The following MGAT4C variants were observed in gnomAD, a reference collection of about 807,000 sequenced individuals.
MGAT4C encodes MGAT4 family member C.
MGAT4C carries 19 observed loss-of-function variants against 40.1 expected under a neutral mutation model. The observed-to-expected ratio is 0.47, with a 90% CI of 0.33 to 0.70. The LOEUF (loss-of-function observed/expected upper bound fraction) is 0.70, where lower values mean the gene tolerates loss of function less well. Ranked by LOEUF, MGAT4C falls within the 30% of genes least tolerant of loss-of-function variation. The pLI, the probability that MGAT4C is intolerant of heterozygous loss-of-function variation, is 0.02. For missense variants in MGAT4C, 491 were observed against 563.2 expected (o/e 0.87, Z 1.30); for synonymous variants, 181 against 187.1 (o/e 0.97, Z 0.27).
At chr12:86,234,786 C>G (rs1054380084) in intron 1 of MGAT4C, among the ~76,000 whole-genome samples, 7 of 152,132 alleles carry the variant, frequency 4.6e-5, no homozygotes, top group Non-Finnish European at 4.4e-5. Context: ...ACTGCAACTG[C>G]TATTCCCAAG....
chr12:86,630,006 C>A (rs1205403369), intron 2 of MGAT4C, among the ~76,000 whole-genome samples: 1 of 151,616 alleles, frequency 6.6e-6, no homozygotes, highest in Non-Finnish European at 1.5e-5. Context: ...AGACCACTAG[C>A]AAAACTAATA....
At chr12:86,240,715 A>G (rs1345047473) in intron 1 of MGAT4C, among the ~76,000 whole-genome samples, 4 of 152,096 alleles carry the variant, frequency 2.6e-5, no homozygotes, top group Non-Finnish European at 5.9e-5. Context: ...TTTTACTCCT[A>G]AATATTTGTA....
At chr12:86,332,931 G>A (rs936955421) in intron 4 of MGAT4C, among the ~76,000 whole-genome samples, 2 of 152,088 alleles carry the variant, frequency 1.3e-5, no homozygotes, top group Non-Finnish European at 2.9e-5. Context: ...CTGTTGAAAT[G>A]TTTCAAGGGA....
intron 3 of MGAT4C, among the ~76,000 whole-genome samples, chr12:86,432,642 TTAAA>T (rs1157704953): frequency 2.0e-5 from 3 of 152,042 alleles, no homozygotes; most frequent in South Asian, 4.2e-4. Context: ...GGGGAACCCA[TTAAA>T]TAATCTGTAT....
intron 3 of MGAT4C, among the ~76,000 whole-genome samples, chr12:86,403,017 C>T (rs1444469117): frequency 6.6e-6 from 1 of 152,152 alleles, no homozygotes; most frequent in East Asian, 1.9e-4. Flanking sequence ...AAAGCTGAAG[C>T]TCTGACATGT....
At chr12:86,134,201 CA>C (rs1353549208) in intron 1 of MGAT4C, among the ~76,000 whole-genome samples, 1 of 152,042 alleles carries the variant, frequency 6.6e-6, no homozygotes, top group Admixed American at 6.6e-5. Flanking sequence ...AAATAATTCA[CA>C]AACAGGATCC....
intron 2 of MGAT4C, among the ~76,000 whole-genome samples, chr12:86,680,998 A>G (rs1949971828): frequency 6.6e-6 from 1 of 151,956 alleles, no homozygotes; most frequent in Non-Finnish European, 1.5e-5. Context: ...TCTGTTTCCA[A>G]GATGATGGTA....
At chr12:86,813,441 T>C (rs1952515447) in intron 1 of MGAT4C, among the ~76,000 whole-genome samples, 1 of 143,448 alleles carries the variant, frequency 7.0e-6, no homozygotes, top group South Asian at 2.1e-4. Flanking sequence ...TGAAATTTTC[T>C]CATAGTCTAG....
At chr12:86,358,998 C>A (rs1246759005) in intron 3 of MGAT4C, among the ~76,000 whole-genome samples, 1 of 152,198 alleles carries the variant, frequency 6.6e-6, no homozygotes, top group Non-Finnish European at 1.5e-5. Context: ...CTACAGAACT[C>A]TCCACCCCAA....
At chr12:86,053,322 G>C (rs984736093) in intron 1 of MGAT4C, among the ~76,000 whole-genome samples, 1 of 151,652 alleles carries the variant, frequency 6.6e-6, no homozygotes, top group African/African-American at 2.4e-5. Flanking sequence ...AACTTAAAAG[G>C]CAGGATGTTC....
intron 2 of MGAT4C, among the ~76,000 whole-genome samples, chr12:86,629,349 CAGA>C (rs1962943289): frequency 6.6e-6 from 1 of 152,088 alleles, no homozygotes; most frequent in Non-Finnish European, 1.5e-5. Flanking sequence ...ATCAATGAGA[CAGA>C]AGGTTAACAA....
At chr12:86,528,296 C>A (rs142298618) in intron 2 of MGAT4C, among the ~76,000 whole-genome samples, 12 of 152,024 alleles carry the variant, frequency 7.9e-5, no homozygotes, top group African/African-American at 2.9e-4. Flanking sequence ...ACAAAATAAC[C>A]ATTAATTTAA....
At chr12:86,739,500 T>A (rs1951033496) in intron 1 of MGAT4C, among the ~76,000 whole-genome samples, 1 of 150,858 alleles carries the variant, frequency 6.6e-6, no homozygotes, top group African/African-American at 2.4e-5. Context: ...CAATCGTAGG[T>A]TCAGCAACTG....
intron 2 of MGAT4C, among the ~76,000 whole-genome samples, chr12:86,042,729 G>T (rs928006535): frequency 5.9e-5 from 9 of 151,736 alleles, no homozygotes; most frequent in Non-Finnish European, 1.5e-5. Context: ...TTAGCTGGGC[G>T]TGGTGGCAGG....
At chr12:86,368,008 T>A (rs10858419) in intron 3 of MGAT4C, among the ~76,000 whole-genome samples, 99,515 of 152,044 alleles carry the variant, frequency 0.65, 33,317 homozygotes, top group South Asian at 0.77. Flanking sequence ...AGTATCTTTT[T>A]AAATGATAAT....
At chr12:86,482,055 T>C (rs915100499) in intron 2 of MGAT4C, among the ~76,000 whole-genome samples, 1 of 140,156 alleles carries the variant, frequency 7.1e-6, no homozygotes, top group South Asian at 2.3e-4. Context: ...TTGTATTTTC[T>C]AAACATGTCA....
chr12:86,116,722 T>C (rs839147), intron 1 of MGAT4C, among the ~76,000 whole-genome samples: 1 of 152,080 alleles, frequency 6.6e-6, no homozygotes, highest in Middle Eastern at 3.4e-3. Flanking sequence ...GGATGGGATG[T>C]AATCCAATTG....
chr12:86,610,642 T>C (rs1962219674), intron 2 of MGAT4C, among the ~76,000 whole-genome samples: 1 of 151,668 alleles, frequency 6.6e-6, no homozygotes, highest in Admixed American at 6.6e-5. Context: ...AACGTGCAGG[T>C]TTGTTACATA....
At chr12:86,462,710 G>A (rs900928507) in intron 2 of MGAT4C, among the ~76,000 whole-genome samples, 1 of 152,160 alleles carries the variant, frequency 6.6e-6, no homozygotes, top group Non-Finnish European at 1.5e-5. Context: ...ACTAGTGTAA[G>A]TCCAAGAATC....
Sources: gnomAD v4.1 joint callset for allele counts (sites outside exome capture counted in the v4.1 genomes callset) on GRCh38, gnomAD v4.1.1 for gene constraint, MANE v1.5 for transcripts, NCBI Gene and HGNC (gene_info 2026-07-23, HGNC 2026-07-21) for gene names.